Variants in PAK4 observed in about 807,000 individuals in gnomAD.
PAK4 encodes serine/threonine-protein kinase PAK 4.
In PAK4, 49 loss-of-function variants were observed where a neutral mutation model predicts 53.5. The ratio of observed to expected loss-of-function variants is 0.92; its 90% CI spans 0.73 to 1.16. The LOEUF is 1.16. PAK4 is among the 50% of genes most tolerant of loss of function. The probability of loss-of-function intolerance (pLI) is 0.00; values close to 1 mark genes in which losing one functional copy is unlikely to be tolerated. For missense variants in PAK4, 824 were observed against 850.7 expected, an observed-to-expected ratio of 0.97 and a Z score of 0.39; for synonymous variants, 376 against 375.6, an observed-to-expected ratio of 1.00 and a Z score of -0.01.
chr19:39,174,258 G>A lies in PAK4; in HGVS notation c.1098+248G>A, dbSNP rs542386883. 6.6e-5 allele frequency among the ~76,000 whole-genome samples: 10 copies of A among 151,524 alleles called. No homozygotes were observed. In the East Asian group the frequency reaches 1.6e-3, roughly 24 times the overall value. On this transcript the variant is annotated intron_variant, in intron 4 of 8. Transcript: ENST00000358301. ...AGGGTTCCTCGGGCCACTGACCCCCGACCCAGTGTCTTCCAGGCCCCTCGC... is the reference window on the plus strand; with the variant it reads ...AGGGTTCCTCGGGCCACTGACCCCCAACCCAGTGTCTTCCAGGCCCCTCGC...
At chr19:39,139,530 T>A (rs2073876474) in intron 1 of PAK4, among the ~76,000 whole-genome samples, 1 of 152,136 alleles carries the variant, frequency 6.6e-6, no homozygotes, top group South Asian at 2.1e-4. Flanking sequence ...CAGGCCTGAC[T>A]TCATTCCTTG....
At position 39,175,526 on chromosome 19, in the gene PAK4, G is replaced by A; in HGVS notation, c.1359+88G>A. On this transcript the variant is annotated intron_variant, in intron 6 of 8. Transcript: ENST00000358301. This position sits in a 1 kb window ranked among gnomAD's most constrained non-coding sequence, Gnocchi z 4.7. ...CTTCCCATCCCCTGTGAGGGTAGGT[G>A]AGCTCTGACCCCCAGGTCTGTGTCT... 7.3e-7 allele frequency: 1 copy of A among 1,369,778 alleles called. No homozygotes were observed. Among genetic ancestry groups the A allele is most frequent in the African/African-American group, 1.4e-5 (1 of 70,218 alleles). The allele number at this position is 1,369,778 out of a possible 1,614,324, so 84.9% of individuals were successfully genotyped here.
chr19:39,165,556 T>TAAATAAATAAATAA (rs761595959), intron 1 of PAK4, among the ~76,000 whole-genome samples: 1,447 of 123,936 alleles, frequency 0.012, 17 homozygotes, highest in East Asian at 0.03. Flanking sequence ...ATAAATAAAA[T>TAAATAAATAAATAA]AATAATAGAC....
chr19:39,156,099 C>G (rs545260574), intron 1 of PAK4, among the ~76,000 whole-genome samples: 8 of 152,350 alleles, frequency 5.3e-5, no homozygotes, highest in African/African-American at 1.7e-4. Context: ...GTGGTCTCCC[C>G]TGACCTCGCC....
At chr19:39,168,154 G>A (rs1390034528) in intron 1 of PAK4, 76 bp from the exon 2 acceptor site, 3 of 152,256 alleles carry the variant, frequency 2.0e-5, no homozygotes, top group Admixed American at 2.0e-4. Flanking sequence ...GGCCACAGAG[G>A]AGGCCCATTG....
At chr19:39,139,574 C>T (rs1362063380) in intron 1 of PAK4, among the ~76,000 whole-genome samples, 1 of 152,174 alleles carries the variant, frequency 6.6e-6, no homozygotes, top group East Asian at 1.9e-4. Flanking sequence ...CCTGATGGTC[C>T]TAAGTGGGGG....
chr19:39,138,552 C>G (rs1224622984), intron 1 of PAK4, among the ~76,000 whole-genome samples: 14 of 152,136 alleles, frequency 9.2e-5, no homozygotes, highest in Non-Finnish European at 1.5e-4. Flanking sequence ...GGGTTTTTCC[C>G]AGGGTAGTTC....
chr19:39,155,367 G>A (rs898966952), intron 1 of PAK4, among the ~76,000 whole-genome samples: 1 of 152,162 alleles, frequency 6.6e-6, no homozygotes, highest in Non-Finnish European at 1.5e-5. Context: ...TGACAGCCTG[G>A]GTGCTCAGGG....
intron 1 of PAK4, among the ~76,000 whole-genome samples, chr19:39,127,554 C>T (rs556913968): frequency 5.9e-5 from 9 of 152,230 alleles, no homozygotes; most frequent in African/African-American, 1.9e-4. Context: ...TGAAGCCCTG[C>T]CTGGCCTGCA....
chr19:39,150,796 C>T (rs1277379392), intron 1 of PAK4, among the ~76,000 whole-genome samples: 1 of 152,154 alleles, frequency 6.6e-6, no homozygotes, highest in Admixed American at 6.6e-5. Flanking sequence ...ACGTTGTCTC[C>T]CCTTGCTCTC....
In PAK4 at chr19:39,171,470, G is replaced by A. The variant is rs1228681591; in HGVS notation, c.205-1448G>A. Among the ~76,000 whole-genome samples the A allele has an allele frequency of 2.0e-5, 3 of 152,352 alleles. No homozygotes were observed. The South Asian group carries it at 6.2e-4, about 32-fold the overall frequency. ...GTGATCCTCAGCCTCCCGAGGTGCT[G>A]GGATTATAGGCGTGAGCCACTGCTT... On this transcript the variant is annotated intron_variant, in intron 2 of 8. Coordinates refer to ENST00000358301, the Ensembl canonical transcript of PAK4.
intron 1 of PAK4, among the ~76,000 whole-genome samples, chr19:39,135,965 G>C (rs935813555): frequency 6.6e-6 from 1 of 151,220 alleles, no homozygotes; most frequent in Non-Finnish European, 1.5e-5. Context: ...ACCTGGTGCT[G>C]CGGGCTCCTC....
chr19:39,132,597 A>G (rs1755548311), intron 1 of PAK4, among the ~76,000 whole-genome samples: 1 of 152,238 alleles, frequency 6.6e-6, no homozygotes, highest in African/African-American at 2.4e-5. Context: ...GGCCATTCCC[A>G]TCTTTCCGTG....
chr19:39,157,105 G>A (rs981139053), intron 1 of PAK4, among the ~76,000 whole-genome samples: 23 of 152,226 alleles, frequency 1.5e-4, no homozygotes, highest in Non-Finnish European at 1.5e-4. Context: ...TTGCACGAGG[G>A]CAGAAGTTTC....
At chr19:39,143,299 A>G (rs2073940452) in intron 1 of PAK4, among the ~76,000 whole-genome samples, 1 of 151,448 alleles carries the variant, frequency 6.6e-6, no homozygotes, top group Non-Finnish European at 1.5e-5. Flanking sequence ...TAAAAAAAAA[A>G]AAAAAAAAAG....
At chr19:39,179,253 GC>G (rs2074673597) in exon 9 of PAK4, 1 of 152,592 alleles carries the variant, frequency 6.6e-6, no homozygotes, top group East Asian at 1.9e-4. Context: ...TCTAGCCCCT[GC>G]CCTTATTGGG....
intron 1 of PAK4, among the ~76,000 whole-genome samples, chr19:39,162,303 G>A (rs915302951): frequency 6.0e-5 from 9 of 150,430 alleles, no homozygotes; most frequent in African/African-American, 2.2e-4. Flanking sequence ...CTGTCACCTA[G>A]GCTGGAGTGC....
chr19:39,160,366 GA>G (rs1334500462), intron 1 of PAK4, among the ~76,000 whole-genome samples: 106 of 152,348 alleles, frequency 7.0e-4, no homozygotes, highest in African/African-American at 2.4e-3. Flanking sequence ...GAACCAGACA[GA>G]CAGACAGGTC....
chr19:39,155,101 C>T (rs1039195211), intron 1 of PAK4, among the ~76,000 whole-genome samples: 4 of 152,144 alleles, frequency 2.6e-5, no homozygotes, highest in African/African-American at 7.2e-5. Flanking sequence ...TGCTGTGTGC[C>T]GGGGCGCTTG....
Sources: allele counts gnomAD v4.1 joint callset (sites outside exome capture counted in the v4.1 genomes callset), GRCh38; gene constraint gnomAD v4.1.1; non-coding constraint Gnocchi (gnomAD v3.1); transcripts MANE v1.5; gene names NCBI Gene and HGNC (gene_info 2026-07-23, HGNC 2026-07-21).